PODXL2: variants seen among roughly 807,000 people sequenced by gnomAD.
PODXL2 encodes podocalyxin like 2, also known as podocalyxin-like protein 2.
Under a neutral mutation model 53.4 loss-of-function variants are expected in PODXL2, and 17 were observed. The ratio of observed to expected loss-of-function variants is 0.32; its 90% CI spans 0.22 to 0.48. PODXL2 has a LOEUF of 0.48. Ranked by LOEUF, PODXL2 falls within the 20% of genes least tolerant of loss-of-function variation. The probability of loss-of-function intolerance (pLI) is 0.99; values close to 1 mark genes in which losing one functional copy is unlikely to be tolerated. For missense variants in PODXL2, 673 were observed against 760.0 expected, an observed-to-expected ratio of 0.89 and a Z score of 1.35; for synonymous variants, 311 against 306.7, an observed-to-expected ratio of 1.01 and a Z score of -0.15.
intron 2 of PODXL2, among the ~76,000 whole-genome samples, chr3:127,641,036 C>T (rs1483997128): frequency 2.0e-5 from 3 of 151,876 alleles, no homozygotes; most frequent in African/African-American, 7.3e-5. Flanking sequence ...CCTCAGCCTC[C>T]GAGTAGCTGG....
At chr3:127,650,397 G>A (rs2074681167) in intron 2 of PODXL2, among the ~76,000 whole-genome samples, 1 of 152,188 alleles carries the variant, frequency 6.6e-6, no homozygotes. Context: ...GGGGACCCAG[G>A]CCTGGGGCTT....
rs111641421 is a variant in PODXL2, at chr3:127,667,342, C to T, written c.1207-1099C>T. On this transcript the variant is annotated intron_variant, in intron 4 of 7. Coordinates refer to ENST00000342480, the MANE Select transcript of PODXL2 (RefSeq NM_015720.4). ...CCTGCAGGGCTGGCCTGGTGAGATG[C>T]TCGTGCCTCCCAGTGGCGCTGGCTC... Among the ~76,000 whole-genome samples the T allele has an allele frequency of 3.7e-3, 561 of 152,298 alleles. 6 individuals are homozygous for T. The highest frequency in any genetic ancestry group is 0.019 in the South Asian group (92 of 4,828).
intron 2 of PODXL2, among the ~76,000 whole-genome samples, chr3:127,658,881 C>A (rs561811363): frequency 6.6e-6 from 1 of 152,072 alleles, no homozygotes; most frequent in African/African-American, 2.4e-5. Context: ...TTCTATCTTT[C>A]CAGAAATCAT....
At chr3:127,642,586 A>G (rs931582490) in intron 2 of PODXL2, among the ~76,000 whole-genome samples, 1 of 151,970 alleles carries the variant, frequency 6.6e-6, no homozygotes, top group Non-Finnish European at 1.5e-5. Flanking sequence ...AGACGAAGAG[A>G]ATGAACGCCG....
At position 127,629,360 on chromosome 3, in the gene PODXL2, G is replaced by T; in HGVS notation, c.70+71G>T. The stretch of plus-strand genomic sequence containing the variant: ...GGGCGCGGTGCTGGACAGCTCCCCG[G>T]GCCGCCAACAAAGGGGCCAGAGTGC... On this transcript the variant is annotated intron_variant, in intron 1 of 7. Coordinates refer to ENST00000342480, the MANE Select transcript of PODXL2 (RefSeq NM_015720.4). The surrounding 1 kb of genome is among the most constrained non-coding windows in gnomAD (Gnocchi z 6.4). 1.0e-6 allele frequency: 1 copy of T among 998,540 alleles called. No individual in the cohort carries two copies. Among genetic ancestry groups the T allele is most frequent in the Non-Finnish European group, 1.2e-6 (1 of 838,740 alleles). The allele number at this position is 998,540 out of a possible 1,614,324, so 61.9% of individuals were successfully genotyped here.
chr3:127,644,512 G>A (rs1429019828), intron 2 of PODXL2, among the ~76,000 whole-genome samples: 1 of 152,144 alleles, frequency 6.6e-6, no homozygotes, highest in African/African-American at 2.4e-5. Flanking sequence ...GAGGTAAGCA[G>A]TCACGCAGAG....
At chr3:127,636,775 T>C (rs2074580788) in intron 1 of PODXL2, among the ~76,000 whole-genome samples, 1 of 152,204 alleles carries the variant, frequency 6.6e-6, no homozygotes, top group African/African-American at 2.4e-5. Flanking sequence ...AGCAGTGCCA[T>C]TGGCTCCCAC....
intron 1 of PODXL2, among the ~76,000 whole-genome samples, chr3:127,633,148 G>A (rs182898173): frequency 2.6e-5 from 4 of 152,326 alleles, no homozygotes; most frequent in African/African-American, 7.2e-5. Context: ...CAATTGATTG[G>A]ATTGGTTGTG....
In PODXL2 at chr3:127,661,100, C is replaced by T; in HGVS notation, c.1072C>T (p.Gln358Ter). The change falls in exon 3 of 8, where the codon CAG (glutamine) becomes TAG (stop). Residue 358 changes from glutamine to a stop codon, truncating the protein, a stop_gained. Coordinates refer to ENST00000342480, the MANE Select transcript of PODXL2 (RefSeq NM_015720.4). LOFTEE classifies it high-confidence loss of function. ...ATLGQEDLNQ[Q>*]LLEGQAAEAQ... ...CTTGGGACAAGAAGATCTCAACCAG[C>T]AGCTCCTAGAAGGGCAGGCAGCTGA... 1 of 1,614,206 alleles carries T rather than the reference C, an allele frequency of 6.2e-7. No homozygotes were observed. Among genetic ancestry groups the T allele is most frequent in the Non-Finnish European group, 8.5e-7 (1 of 1,180,022 alleles).
intron 4 of PODXL2, among the ~76,000 whole-genome samples, chr3:127,666,191 T>A (rs1465912862): frequency 6.6e-6 from 1 of 152,242 alleles, no homozygotes; most frequent in African/African-American, 2.4e-5. Context: ...GAATTAGTTT[T>A]GGTAAATGAT....
intron 1 of PODXL2, among the ~76,000 whole-genome samples, chr3:127,633,908 A>G (rs555336823): frequency 1.3e-5 from 2 of 151,472 alleles, no homozygotes; most frequent in South Asian, 4.2e-4. Flanking sequence ...AGATGGGGAG[A>G]TACGGATGTT....
Position 127,668,330 on chromosome 3 carries a change from CT to C in PODXL2, c.1207-109del, listed in dbSNP as rs573174431. On this transcript the variant is annotated intron_variant, in intron 4 of 7. Transcript: ENST00000342480. ...TCCAGAGTTGACCAGAGCTGCCTCT[CT>C]TGGAACAGCCAGAGGGTTGAGGGTG... The C allele has an allele frequency of 1.9e-4, 200 of 1,027,044 alleles. 1 individual carries two copies. In the African/African-American group the frequency reaches 2.2e-3, roughly 11 times the overall value. 63.6% of individuals were successfully genotyped at this position (1,027,044 alleles called of 1,614,324 possible).
chr3:127,647,012 C>T (rs1393125420), intron 2 of PODXL2, among the ~76,000 whole-genome samples: 1 of 152,128 alleles, frequency 6.6e-6, no homozygotes, highest in African/African-American at 2.4e-5. Context: ...CTTCCTTCTC[C>T]ATCTGTAATG....
chr3:127,648,378 C>T (rs1254162878), intron 2 of PODXL2, among the ~76,000 whole-genome samples: 1 of 152,192 alleles, frequency 6.6e-6, no homozygotes, highest in Non-Finnish European at 1.5e-5. Context: ...GGTCATTGCC[C>T]ACACATCAGG....
chr3:127,642,619 C>T (rs1206921807), intron 2 of PODXL2, among the ~76,000 whole-genome samples: 12 of 152,080 alleles, frequency 7.9e-5, no homozygotes. Flanking sequence ...AGTGTTCTCT[C>T]TTTCCCTTGT....
In PODXL2 at chr3:127,668,554, C is replaced by T. The variant is rs765022325; in HGVS notation, c.1320C>T (p.Ser440=). The change falls in exon 5 of 8, where the codon AGC becomes AGT. Residue 440 remains serine (S), a synonymous_variant. Coordinates refer to ENST00000342480, the MANE Select transcript of PODXL2 (RefSeq NM_015720.4). ...GAWHISLSKP[S]EKEQHLLMTL... ...GGCACATCTCTCTGAGCAAGCCCAG[C>T]GAGAAGGAGCAGCACCTTCTCATGA... is the stretch of plus-strand genomic sequence containing the variant. The T allele has an allele frequency of 1.9e-5, 30 of 1,573,560 alleles. No individual in the cohort carries two copies. Among genetic ancestry groups the T allele is most frequent in the Admixed American group, 3.7e-5 (2 of 54,732 alleles).
In PODXL2 at chr3:127,660,933, A is replaced by C; in HGVS notation, c.905A>C (p.Glu302Ala). ...GCTGGTTTGTCTGGCCAGCACGAGG[A>C]GGTGCCGGCCTTGCCTTCATTCCCT... ...GAAGLSGQHE[E>A]VPALPSFPQT... The change falls in exon 3 of 8, where the codon GAG becomes GCG. Residue 302 changes from glutamate (E) to alanine (A), a missense_variant. Coordinates refer to ENST00000342480, the MANE Select transcript of PODXL2 (RefSeq NM_015720.4). 1 of 1,614,216 alleles carries C rather than the reference A, an allele frequency of 6.2e-7. No homozygotes were observed. Among genetic ancestry groups the C allele is most frequent in the African/African-American group, 1.3e-5 (1 of 75,058 alleles).
intron 2 of PODXL2, among the ~76,000 whole-genome samples, chr3:127,643,551 T>C (rs1004526921): frequency 6.6e-6 from 1 of 152,192 alleles, no homozygotes; most frequent in African/African-American, 2.4e-5. Flanking sequence ...TTTTCTTTAC[T>C]TTATGATTAG....
intron 2 of PODXL2, among the ~76,000 whole-genome samples, chr3:127,642,991 C>A (rs2074630320): frequency 6.6e-6 from 1 of 152,266 alleles, no homozygotes; most frequent in Non-Finnish European, 1.5e-5. Flanking sequence ...CAGCTCAGTG[C>A]TTGGCACATT....
Sources: allele counts gnomAD v4.1 joint callset (sites outside exome capture counted in the v4.1 genomes callset), GRCh38; gene constraint gnomAD v4.1.1; non-coding constraint Gnocchi (gnomAD v3.1); transcripts MANE v1.5; gene names NCBI Gene and HGNC (gene_info 2026-07-23, HGNC 2026-07-21).